ZP3: variants seen among roughly 807,000 people sequenced by gnomAD.
ZP3 encodes zona pellucida glycoprotein 3, also known as zona pellucida sperm-binding protein 3.
Under a neutral mutation model 35.6 loss-of-function variants are expected in ZP3, and 21 were observed. The observed-to-expected ratio is 0.59, with a 90% confidence interval of 0.42 to 0.85. ZP3 has a LOEUF of 0.85. Among genes scored for constraint, ZP3 ranks in the 40% least tolerant of loss-of-function variants. The probability of loss-of-function intolerance (pLI) is 0.00; values close to 1 mark genes in which losing one functional copy is unlikely to be tolerated. For missense variants in ZP3, 437 were observed against 536.5 expected (o/e 0.81, Z 1.83); for synonymous variants, 207 against 214.5 (o/e 0.96, Z 0.31).
intron 1 of ZP3, among the ~76,000 whole-genome samples, chr7:76,407,168 C>T (rs1332222104): frequency 6.6e-6 from 1 of 151,228 alleles, no homozygotes; most frequent in Admixed American, 6.6e-5. Flanking sequence ...CCCATGTTGA[C>T]CTGGCTGGTC....
In ZP3 at chr7:76,425,539, C is replaced by T. The variant is rs1018422018; in HGVS notation, c.312+263C>T. 2.0e-5 allele frequency among the ~76,000 whole-genome samples: 3 copies of T among 152,162 alleles called. No individual in the cohort carries two copies. In the East Asian group the frequency reaches 5.8e-4, roughly 29 times the overall value. The stretch of plus-strand genomic sequence containing the variant: ...AGGCTGGCCCAAGCCACGCCACTCT[C>T]TCTCAGGTGGGTTTGTGACACACAC... On this transcript the variant is annotated intron_variant, in intron 1 of 7. Transcript: ENST00000394857.
chr7:76,440,047 A>C lies in ZP3; in HGVS notation c.832-203A>C, dbSNP rs1440102363. On this transcript the variant is annotated intron_variant, in intron 5 of 7. Coordinates refer to ENST00000394857, the MANE Select transcript of ZP3 (RefSeq NM_001110354.2). ...TTTTTAGTAGCGATGGGGTTTCACC[A>C]TGTTGGCCAGGTTGGTCTCGAACTC... 5.9e-6 allele frequency: 4 copies of C among 679,654 alleles called. No homozygotes were observed. In the Admixed American group the frequency reaches 1.2e-4, roughly 20 times the overall value. 42.1% of individuals were successfully genotyped at this position (679,654 alleles called of 1,614,324 possible). A position where few individuals can be genotyped will look rare whatever the true frequency, so the allele number is the denominator to read the frequency against.
At chr7:76,422,770 GGAGA>G (rs1457723662), upstream of ZP3, among the ~76,000 whole-genome samples, 3 of 151,382 alleles carry the variant, frequency 2.0e-5, no homozygotes, top group Non-Finnish European at 4.4e-5. Flanking sequence ...GGCCGAGGAG[GGAGA>G]ATCACTTGAG....
chr7:76,406,446 AAATT>A (rs568956522), intron 1 of ZP3, among the ~76,000 whole-genome samples: 315 of 152,144 alleles, frequency 2.1e-3, no homozygotes, highest in Non-Finnish European at 4.0e-3. Flanking sequence ...TCTCCCTTTC[AAATT>A]AATTAATTAA....
intron 5 of ZP3, among the ~76,000 whole-genome samples, chr7:76,435,783 C>T (rs1805979847): frequency 6.7e-6 from 1 of 150,130 alleles, no homozygotes; most frequent in African/African-American, 2.5e-5. Flanking sequence ...AGCTGGAATG[C>T]AATGGTGCGG....
chr7:76,440,641 C>T (rs529435113), intron 7 of ZP3, 30 bp downstream of exon 7: 4 of 1,591,148 alleles, frequency 2.5e-6, no homozygotes, highest in South Asian at 2.3e-5. Context: ...AGAGGCTGTT[C>T]ATTGTCCCTT....
intron 1 of ZP3, among the ~76,000 whole-genome samples, chr7:76,402,544 C>T (rs921521619): frequency 3.3e-5 from 5 of 152,104 alleles, no homozygotes; most frequent in Non-Finnish European, 5.9e-5. Flanking sequence ...GTCTCGAACT[C>T]TTGGCCTCAA....
At position 76,401,642 on chromosome 7, in the gene ZP3, C is replaced by T. The variant is rs185609220; in HGVS notation, c.-67+3845C>T. On this transcript the variant is annotated intron_variant, in intron 1 of 8. Transcript: ENST00000336517. ...ATGTTGGCCAGGCTGGTCTTGAACT[C>T]CTGACCTCAGGTAATCCACCCACTT... 8.8e-4 allele frequency among the ~76,000 whole-genome samples: 134 copies of T among 152,310 alleles called. 1 individual carries two copies. Among genetic ancestry groups the T allele is most frequent in the South Asian group, 7.2e-3 (35 of 4,832 alleles).
chr7:76,404,422 C>T, intron 1 of ZP3: 1 of 1,614,106 alleles, frequency 6.2e-7, no homozygotes, highest in Non-Finnish European at 8.5e-7. Context: ...CAATTAGCAT[C>T]TCTGCTTCCT....
Position 76,433,535 on chromosome 7 carries a change from G to A in ZP3, c.601G>A (p.Glu201Lys). 1 of 1,614,198 alleles carries A rather than the reference G, an allele frequency of 6.2e-7. No individual in the cohort carries two copies. The highest frequency in any genetic ancestry group is 8.5e-7 in the Non-Finnish European group (1 of 1,180,034). Residue 201 changes from glutamate to lysine, a missense_variant, in exon 4 of 8, where the codon GAA becomes AAA. By Grantham distance (56) the Glu-to-Lys change is moderately conservative (BLOSUM62 1). Coordinates refer to ENST00000394857, the MANE Select transcript of ZP3 (RefSeq NM_001110354.2). ...HLGDAAHLQA[E>K]IHTGSHVPLR... ...GGGAGATGCAGCCCACCTCCAGGCAGAAATCCACACTGGCAGCCACGTGCC... is the reference window on the plus strand; with the variant it reads ...GGGAGATGCAGCCCACCTCCAGGCAAAAATCCACACTGGCAGCCACGTGCC...
intron 1 of ZP3, among the ~76,000 whole-genome samples, chr7:76,418,303 C>T (rs1050200114): frequency 1.3e-5 from 2 of 151,924 alleles, no homozygotes; most frequent in African/African-American, 4.8e-5. Flanking sequence ...GCCAAAATAT[C>T]GCTTTGGGTG....
intron 2 of ZP3, 97 bp downstream of exon 2, chr7:76,429,730 C>A: frequency 2.0e-6 from 2 of 980,494 alleles, no homozygotes; most frequent in Non-Finnish European, 3.2e-6. Flanking sequence ...TGCAGCATGG[C>A]TATTAGAACT....
At chr7:76,402,259 A>G (rs1804857199) in intron 1 of ZP3, among the ~76,000 whole-genome samples, 1 of 149,220 alleles carries the variant, frequency 6.7e-6, no homozygotes, top group South Asian at 2.1e-4. Context: ...ATCTCACTGC[A>G]GCCTCTGCCT....
At chr7:76,419,876 A>T (rs1252848064) in intron 1 of ZP3, among the ~76,000 whole-genome samples, 4 of 144,606 alleles carry the variant, frequency 2.8e-5, no homozygotes, top group African/African-American at 1.0e-4. Flanking sequence ...TGGCTCACTC[A>T]CTGCAACTTC....
At chr7:76,399,089 G>A (rs1337993799) in intron 1 of ZP3, among the ~76,000 whole-genome samples, 1 of 152,118 alleles carries the variant, frequency 6.6e-6, no homozygotes, top group Admixed American at 6.5e-5. Flanking sequence ...TCAGCTTGCT[G>A]CAACCTCCGC....
At chr7:76,434,990 AG>A in intron 5 of ZP3, among the ~76,000 whole-genome samples, 1 of 152,292 alleles carries the variant, frequency 6.6e-6, no homozygotes, top group Non-Finnish European at 1.5e-5. Flanking sequence ...GAGGTGGGGG[AG>A]GGATGCAGTA....
exon 1 of ZP3, chr7:76,397,542 CGTG>C: frequency 6.3e-7 from 1 of 1,586,604 alleles, no homozygotes; most frequent in Non-Finnish European, 8.6e-7. Context: ...CCCGCGTCCT[CGTG>C]GTGGCCGCAG....
intron 1 of ZP3, among the ~76,000 whole-genome samples, chr7:76,416,516 T>G (rs962141450): frequency 1.3e-5 from 2 of 150,348 alleles, no homozygotes; most frequent in Admixed American, 1.3e-4. Flanking sequence ...GGCTATAAAT[T>G]TTATATATTA....
At chr7:76,416,405 G>C (rs1349928774) in intron 1 of ZP3, among the ~76,000 whole-genome samples, 2 of 152,088 alleles carry the variant, frequency 1.3e-5, no homozygotes, top group African/African-American at 4.8e-5. Context: ...TACCAACCTG[G>C]GGGACAGTGA....
Sources: gnomAD v4.1 joint callset for allele counts (sites outside exome capture counted in the v4.1 genomes callset) on GRCh38, gnomAD v4.1.1 for gene constraint, MANE v1.5 for transcripts, NCBI Gene and HGNC (gene_info 2026-07-23, HGNC 2026-07-21) for gene names.